Variants in OR1F1 observed in about 807,000 individuals in gnomAD.
OR1F1 encodes olfactory receptor family 1 subfamily F member 1.
For missense variants in OR1F1, 493 were observed against 376.3 expected, an observed-to-expected ratio of 1.31 and a Z score of -2.57; for synonymous variants, 184 against 156.7, an observed-to-expected ratio of 1.17 and a Z score of -1.30.
the OR1F1 span, among the ~76,000 whole-genome samples, chr16:3,193,403 C>A: frequency 6.6e-6 from 1 of 152,230 alleles, no homozygotes; most frequent in South Asian, 2.1e-4. Context: ...GCCTGGGACT[C>A]CTTTCTGGAG....
the OR1F1 span, among the ~76,000 whole-genome samples, chr16:3,191,804 A>T: frequency 6.6e-6 from 1 of 151,906 alleles, no homozygotes; most frequent in Non-Finnish European, 1.5e-5. Flanking sequence ...GAGGGGCCAC[A>T]GGATGGGTGT....
At chr16:3,202,340 G>T (rs1398306268), upstream of OR1F1, among the ~76,000 whole-genome samples, 1 of 152,120 alleles carries the variant, frequency 6.6e-6, no homozygotes, top group Non-Finnish European at 1.5e-5. Flanking sequence ...TTATCATTCA[G>T]CTCCCTGAAT....
chr16:3,195,597 G>C, the OR1F1 span, among the ~76,000 whole-genome samples: 1 of 150,742 alleles, frequency 6.6e-6, no homozygotes, highest in Non-Finnish European at 1.5e-5. Context: ...CAAGAGAATC[G>C]CTGGAGCCCG....
chr16:3,201,819 G>T (rs546990938), upstream of OR1F1, among the ~76,000 whole-genome samples: 1 of 152,218 alleles, frequency 6.6e-6, no homozygotes, highest in East Asian at 1.9e-4. Context: ...AGGCGTCACT[G>T]CCCCTTTCCA....
At chr16:3,200,622 G>A (rs1958125874), upstream of OR1F1, among the ~76,000 whole-genome samples, 2 of 152,120 alleles carry the variant, frequency 1.3e-5, no homozygotes. Context: ...AACAAAAAAC[G>A]AATAAACAAA....
exon 1 of OR1F1, chr16:3,204,906 C>T: frequency 6.2e-7 from 1 of 1,614,174 alleles, no homozygotes; most frequent in Non-Finnish European, 8.5e-7. Flanking sequence ...CTTATATGCA[C>T]ATCACCTGCA....
chr16:3,204,056 G>T (rs1033874559), upstream of OR1F1, among the ~76,000 whole-genome samples: 2 of 152,114 alleles, frequency 1.3e-5, no homozygotes, highest in Non-Finnish European at 2.9e-5. Context: ...AGCCAAGAAG[G>T]CCTGGCTCAG....
chr16:3,204,908 T>G, exon 1 of OR1F1: 1 of 1,614,168 alleles, frequency 6.2e-7, no homozygotes. Flanking sequence ...TATATGCACA[T>G]CACCTGCACT....
the OR1F1 span, among the ~76,000 whole-genome samples, chr16:3,198,103 A>AGGAGAGGGAGAG: frequency 2.2e-5 from 1 of 46,230 alleles, no homozygotes; most frequent in African/African-American, 9.7e-5. Context: ...GAGAGGGAGA[A>AGGAGAGGGAGAG]GGAGAGGGAG....
At chr16:3,188,401 A>G in the OR1F1 span, 1 of 152,288 alleles carries the variant, frequency 6.6e-6, no homozygotes, top group African/African-American at 2.4e-5. Flanking sequence ...AGAATAAGGA[A>G]GAATGCGCCG....
At chr16:3,200,055 T>C (rs1049241014), upstream of OR1F1, among the ~76,000 whole-genome samples, 2 of 150,072 alleles carry the variant, frequency 1.3e-5, no homozygotes, top group African/African-American at 4.9e-5. Flanking sequence ...AGGTGCAGAA[T>C]AGACAGTACA....
chr16:3,206,255 C>A (rs1484527101), downstream of OR1F1, among the ~76,000 whole-genome samples: 1 of 152,152 alleles, frequency 6.6e-6, no homozygotes, highest in Non-Finnish European at 1.5e-5. Context: ...CAGACAGATT[C>A]TCTGCTCTTG....
chr16:3,192,333 G>T, the OR1F1 span, among the ~76,000 whole-genome samples: 44 of 152,326 alleles, frequency 2.9e-4, no homozygotes, highest in Non-Finnish European at 4.3e-4. Context: ...GATGACAGGC[G>T]TGAGCCACTG....
exon 1 of OR1F1, chr16:3,204,793 C>G: frequency 6.2e-7 from 1 of 1,614,162 alleles, no homozygotes; most frequent in Non-Finnish European, 8.5e-7. Context: ...CGATGTGACT[C>G]CCCTACTGAA....
exon 1 of OR1F1, chr16:3,204,911 C>T (rs550163818): frequency 6.2e-7 from 1 of 1,614,170 alleles, no homozygotes; most frequent in Non-Finnish European, 8.5e-7. Flanking sequence ...ATGCACATCA[C>T]CTGCACTGTC....
the OR1F1 span, among the ~76,000 whole-genome samples, chr16:3,189,445 T>C: frequency 6.6e-6 from 1 of 152,146 alleles, no homozygotes; most frequent in African/African-American, 2.4e-5. Context: ...CCAGGGCTGC[T>C]CCCCATTTTG....
At chr16:3,191,892 A>C in the OR1F1 span, among the ~76,000 whole-genome samples, 2 of 152,116 alleles carry the variant, frequency 1.3e-5, no homozygotes, top group Non-Finnish European at 2.9e-5. Flanking sequence ...TGAGTCTGCA[A>C]TCCCAGTCTC....
At chr16:3,204,628 C>T in exon 1 of OR1F1, 1 of 1,614,140 alleles carries the variant, frequency 6.2e-7, no homozygotes, top group South Asian at 1.1e-5. Context: ...CGCCGTGTGC[C>T]ACCCCTTACA....
chr16:3,196,835 A>G, the OR1F1 span, among the ~76,000 whole-genome samples: 2 of 150,312 alleles, frequency 1.3e-5, no homozygotes, highest in African/African-American at 4.9e-5. Context: ...AGCTGGGATT[A>G]CTGGCGCCAC....
Sources: allele counts gnomAD v4.1 joint callset (sites outside exome capture counted in the v4.1 genomes callset), GRCh38; gene constraint gnomAD v4.1.1; transcripts MANE v1.5; gene names NCBI Gene and HGNC (gene_info 2026-07-23, HGNC 2026-07-21).